Variants in UNC80 observed in about 807,000 individuals in gnomAD.
The protein encoded by UNC80 is protein unc-80 homolog.
Under a neutral mutation model 384.6 loss-of-function variants are expected in UNC80, and 164 were observed. The observed-to-expected ratio is 0.43, with a 90% CI of 0.38 to 0.49. UNC80 has a LOEUF of 0.49. UNC80 is among the 20% of genes least tolerant of loss of function. The pLI is 0.00. For synonymous variants in UNC80, 1,486 were observed against 1,527.8 expected (o/e 0.97, Z 0.64); for missense variants, 3,330 against 4,143.0 (o/e 0.80, Z 5.39).
intron 43 of UNC80, among the ~76,000 whole-genome samples, chr2:209,940,907 G>T (rs896136838): frequency 6.6e-6 from 1 of 152,178 alleles, no homozygotes; most frequent in Non-Finnish European, 1.5e-5. Context: ...CCAAGCAGTA[G>T]TCCCATCCCT....
Position 209,976,880 on chromosome 2 carries a change from T to G in UNC80, c.8773-33T>G, listed in dbSNP as rs1352131356. On this transcript the variant is annotated intron_variant, in intron 57 of 64. Transcript: ENST00000673920. This position sits in a 1 kb window ranked among gnomAD's most constrained non-coding sequence, Gnocchi z 4.3. ...TTAGCCCATTTTATGGATGGAAAAT[T>G]GAGGCCCTGAGAATGTTATGCCTTC... 2 of 1,481,462 alleles carry G rather than the reference T, an allele frequency of 1.4e-6. No individual in the cohort carries two copies. Among genetic ancestry groups the G allele is most frequent in the Non-Finnish European group, 1.8e-6 (2 of 1,098,482 alleles). The allele number at this position is 1,481,462 out of a possible 1,614,324, so 91.8% of individuals were successfully genotyped here.
At chr2:209,888,561 C>A (rs1210033997) in intron 26 of UNC80, among the ~76,000 whole-genome samples, 8 of 151,950 alleles carry the variant, frequency 5.3e-5, no homozygotes, top group African/African-American at 1.9e-4. Context: ...ACATAATGCT[C>A]TCTTATCACT....
chr2:209,992,510 C>T (rs2093411524), intron 62 of UNC80, among the ~76,000 whole-genome samples: 1 of 151,958 alleles, frequency 6.6e-6, no homozygotes, highest in African/African-American at 2.4e-5. Context: ...ATTCACCCTA[C>T]CTAAAATAAG....
intron 4 of UNC80, among the ~76,000 whole-genome samples, chr2:209,785,385 G>A (rs968733534): frequency 3.3e-5 from 5 of 152,186 alleles, no homozygotes; most frequent in Admixed American, 6.5e-5. Flanking sequence ...AACTGAGTGA[G>A]CATGGGTTGT....
rs1294280366 is a variant in UNC80 at position 209,970,940 on chromosome 2, G to A, written c.8239G>A (p.Val2747Ile). 3 of 1,551,714 alleles carry A rather than the reference G, an allele frequency of 1.9e-6. No individual in the cohort carries two copies. The highest frequency in any genetic ancestry group is 2.7e-5 in the African/African-American group (2 of 73,028). Residue 2747 changes from valine (V) to isoleucine (I), a missense_variant, in exon 54 of 65, where the codon GTA becomes ATA. By Grantham distance (29) the Val-to-Ile change is conservative. Transcript: ENST00000673920. ...LPFSTAVVRLVALQIQALKED... is the reference protein window; with the variant it reads ...LPFSTAVVRLIALQIQALKED... ...CTTCAGCACAGCTGTTGTCCGGCTT[G>A]TAGCATTGCAGATACAGGTGTGACT...
At chr2:209,945,221 T>A (rs1201461038) in intron 46 of UNC80, 32 bp downstream of exon 46, 3 of 1,544,886 alleles carry the variant, frequency 1.9e-6, no homozygotes, top group Non-Finnish European at 2.6e-6. Context: ...ACATTCTTTT[T>A]CTCACTGCAG....
intron 47 of UNC80, among the ~76,000 whole-genome samples, chr2:209,950,438 G>C (rs2092117259): frequency 6.6e-6 from 1 of 151,578 alleles, no homozygotes; most frequent in South Asian, 2.1e-4. Flanking sequence ...TTCTTTTCAG[G>C]AGTTTATCAA....
chr2:209,949,670 G>A (rs2092070828), intron 47 of UNC80, among the ~76,000 whole-genome samples: 2 of 152,050 alleles, frequency 1.3e-5, no homozygotes, highest in Admixed American at 6.5e-5. Flanking sequence ...TAGACATGGG[G>A]TTTCACCATG....
intron 25 of UNC80, among the ~76,000 whole-genome samples, chr2:209,881,594 T>C (rs549887894): frequency 5.5e-4 from 84 of 151,990 alleles, no homozygotes; most frequent in African/African-American, 1.9e-3. Context: ...AGATTATGGA[T>C]AGACAGAAAT....
chr2:209,978,642 G>A lies in UNC80; in HGVS notation c.9052G>A (p.Asp3018Asn), dbSNP rs2093073698. 6.4e-7 allele frequency: 1 copy of A among 1,551,382 alleles called. No homozygotes were observed. The highest frequency in any genetic ancestry group is 8.7e-7 in the Non-Finnish European group (1 of 1,146,718). The stretch of plus-strand genomic sequence containing the variant: ...GGGCACGGGCACTGTCTGGGAGCAG[G>A]ACAGTGAGCCATCCCAGCAGGCTTC... ...NTGTGTVWEQ[D>N]SEPSQQASQD... is the part of the protein sequence containing the mutation. The change falls in exon 59 of 65, where the codon GAC (aspartate) becomes AAC (asparagine). Residue 3018 changes from aspartate to asparagine, a missense_variant. By Grantham distance (23) the Asp-to-Asn change is conservative (BLOSUM62 1). Around this residue, in one of 8 missense-constraint regions of UNC80, gnomAD observed 216 missense variants for 245.3 expected, o/e 0.88. Transcript: ENST00000673920.
intron 3 of UNC80, 152 bp from the exon 4 acceptor site, chr2:209,777,106 T>G: frequency 1.2e-6 from 1 of 815,452 alleles, no homozygotes; most frequent in South Asian, 2.1e-5. Flanking sequence ...TTGCGGCCAG[T>G]AGGGAAGTCC....
At chr2:209,980,673 GA>G (rs1319050043) in intron 59 of UNC80, among the ~76,000 whole-genome samples, 1 of 152,186 alleles carries the variant, frequency 6.6e-6, no homozygotes, top group Non-Finnish European at 1.5e-5. Context: ...AAGGAAGAAG[GA>G]AGTATGAGAA....
At chr2:209,803,082 C>T (rs6741657) in intron 7 of UNC80, among the ~76,000 whole-genome samples, 150,555 of 152,310 alleles carry the variant, frequency 0.99, 74,429 homozygotes, top group East Asian at 1. Context: ...CAATGTGACA[C>T]AACCACAGGA....
chr2:209,950,357 A>G (rs759276581), intron 47 of UNC80, among the ~76,000 whole-genome samples: 17 of 152,078 alleles, frequency 1.1e-4, no homozygotes, highest in South Asian at 6.2e-4. Flanking sequence ...TTTAATGACT[A>G]TGAGGTTTTT....
chr2:209,985,365 A>G (rs1420875498), intron 61 of UNC80, among the ~76,000 whole-genome samples: 20 of 152,218 alleles, frequency 1.3e-4, no homozygotes. Flanking sequence ...AAAATAGACA[A>G]TGATGTTATA....
chr2:209,896,312 G>T lies in UNC80; in HGVS notation c.4481-1G>T. On this transcript the variant is annotated splice_acceptor_variant, in intron 27 of 64. Coordinates refer to ENST00000673920, the MANE Select transcript of UNC80 (RefSeq NM_001371986.1). LOFTEE classifies it high-confidence loss of function. Reference sequence around the variant, plus strand: ...CCTTTCTTGGTATTTTTCTTTTGAAGAAGGGAGTCCTTGGAGTGCAAGCGA... The same window carrying T: ...CCTTTCTTGGTATTTTTCTTTTGAATAAGGGAGTCCTTGGAGTGCAAGCGA... 6.4e-7 allele frequency: 1 copy of T among 1,551,604 alleles called. No individual in the cohort carries two copies. The highest frequency in any genetic ancestry group is 1.2e-5 in the South Asian group (1 of 84,056).
chr2:209,829,135 G>A (rs2080768409), intron 14 of UNC80, 97 bp from the exon 15 acceptor site: 4 of 1,449,708 alleles, frequency 2.8e-6, no homozygotes, highest in Non-Finnish European at 3.7e-6. Flanking sequence ...GGGATGGTTG[G>A]AAACCCTTGC....
At chr2:209,805,647 C>T (rs949679876) in intron 7 of UNC80, among the ~76,000 whole-genome samples, 1 of 152,132 alleles carries the variant, frequency 6.6e-6, no homozygotes, top group African/African-American at 2.4e-5. Flanking sequence ...AATCTGGTTT[C>T]CCCAAAACAA....
chr2:209,943,348 G>A (rs1194028139), intron 44 of UNC80, 32 bp from the exon 45 acceptor site: 11 of 1,550,112 alleles, frequency 7.1e-6, no homozygotes, highest in Middle Eastern at 1.7e-4. Flanking sequence ...CTTCATTAAG[G>A]CATTTTTTGA....
Sources: allele counts gnomAD v4.1 joint callset (sites outside exome capture counted in the v4.1 genomes callset), GRCh38; gene constraint gnomAD v4.1.1; regional missense constraint gnomAD v4.1.1; non-coding constraint Gnocchi (gnomAD v3.1); transcripts MANE v1.5; gene names NCBI Gene and HGNC (gene_info 2026-07-23, HGNC 2026-07-21).